ALG9: variants seen among roughly 807,000 people sequenced by gnomAD.
ALG9 encodes the protein alpha-1,2-mannosyltransferase ALG9.
Under a neutral mutation model 81.8 loss-of-function variants are expected in ALG9, and 55 were observed. The observed-to-expected ratio is 0.67, with a 90% CI of 0.54 to 0.84. The LOEUF is 0.84. Ranked by LOEUF, ALG9 falls within the 40% of genes least tolerant of loss-of-function variation. ALG9 has a pLI of 0.00. For synonymous variants in ALG9, 278 were observed against 274.3 expected (o/e 1.01, Z -0.13); for missense variants, 629 against 745.0 (o/e 0.84, Z 1.81).
At chr11:111,797,290 A>C (rs912800458) in intron 14 of ALG9, among the ~76,000 whole-genome samples, 1 of 152,202 alleles carries the variant, frequency 6.6e-6, no homozygotes, top group Admixed American at 6.5e-5. Context: ...TGAGATGCTT[A>C]CTCTTGGAAG....
intron 1 of ALG9, among the ~76,000 whole-genome samples, chr11:111,870,620 C>G (rs1486375831): frequency 1.3e-5 from 2 of 152,042 alleles, no homozygotes; most frequent in Non-Finnish European, 2.9e-5. Context: ...AACTCCTAGG[C>G]TCAAGTAATC....
chr11:111,868,837 C>A, intron 2 of ALG9, 101 bp from the exon 3 acceptor site: 1 of 1,299,434 alleles, frequency 7.7e-7, no homozygotes, highest in Non-Finnish European at 1.0e-6. Flanking sequence ...AAAACAAAGG[C>A]AAGCCAGGCA....
downstream of ALG9, among the ~76,000 whole-genome samples, chr11:111,780,412 T>TG (rs1945868276): frequency 6.6e-6 from 1 of 150,488 alleles, no homozygotes. Context: ...TTTTGTTTTT[T>TG]TTGAGACAGA....
rs919325782 is a variant in ALG9 at position 111,785,845 on chromosome 11, A to G, written c.*552T>C. On this transcript the variant is annotated 3_prime_UTR_variant, in exon 15 of 15. Transcript: ENST00000616540. ...CTAGTCCTGTGAAGTGCTTTAAAGA[A>G]GCTTAGTCTTGCTGGAGGTGAAAAG... 2.0e-5 allele frequency: 7 copies of G among 358,822 alleles called. No homozygotes were observed. The highest frequency in any genetic ancestry group is 3.8e-5 in the Non-Finnish European group (7 of 183,202). 22.2% of individuals were successfully genotyped at this position (358,822 alleles called of 1,614,324 possible). A position where few individuals can be genotyped will look rare whatever the true frequency, so the allele number is the denominator to read the frequency against.
rs1555140791 is a variant in ALG9 at position 111,853,485 on chromosome 11, C to T, written c.790G>A (p.Val264Met). 6.2e-7 allele frequency: 1 copy of T among 1,612,302 alleles called. No individual in the cohort carries two copies. The change falls in exon 8 of 15, where the codon GTG becomes ATG. Residue 264 changes from valine (V) to methionine (M), a missense_variant and splice_region_variant. Physicochemically the swap from Val to Met is conservative, Grantham distance 21 (BLOSUM62 1). Coordinates refer to ENST00000616540, the MANE Select transcript of ALG9 (RefSeq NM_024740.2). Reference sequence around the variant, plus strand: ...TAGCTGTCAATGACCACCACAGGCACCTAAAACAGAGCAGAAAATAGTTTT... The same window carrying T: ...TAGCTGTCAATGACCACCACAGGCATCTAAAACAGAGCAGAAAATAGTTTT... The part of the protein sequence containing the change: ...WSLMALILFL[V>M]PVVVIDSYYY...
chr11:111,781,568 AC>A (rs1945939504), downstream of ALG9, among the ~76,000 whole-genome samples: 1 of 152,212 alleles, frequency 6.6e-6, no homozygotes, highest in Admixed American at 6.5e-5. Context: ...CATTCCAAAA[AC>A]TTAAGATGGA....
chr11:111,865,730 C>G (rs1402369104), intron 3 of ALG9, among the ~76,000 whole-genome samples: 1 of 152,082 alleles, frequency 6.6e-6, no homozygotes, highest in Non-Finnish European at 1.5e-5. Context: ...ATTTATACAT[C>G]AGTTACAGCT....
intron 5 of ALG9, among the ~76,000 whole-genome samples, chr11:111,860,146 CAAAAT>C (rs1219916007): frequency 2.0e-5 from 3 of 152,100 alleles, no homozygotes; most frequent in African/African-American, 7.2e-5. Flanking sequence ...CTTCTTTAAA[CAAAAT>C]AAAAGAATTA....
intron 8 of ALG9, among the ~76,000 whole-genome samples, chr11:111,847,808 A>G (rs1372289765): frequency 6.6e-6 from 1 of 152,188 alleles, no homozygotes; most frequent in Non-Finnish European, 1.5e-5. Context: ...TAAAAGGAGA[A>G]CTTGCCAGTG....
chr11:111,782,489 G>A lies in ALG9; in HGVS notation c.*3908C>T, dbSNP rs906454418. The A allele has an allele frequency of 2.0e-5, 3 of 152,650 alleles. No individual in the cohort carries two copies. Among genetic ancestry groups the A allele is most frequent in the Admixed American group, 6.5e-5 (1 of 15,278 alleles). 9.5% of individuals were successfully genotyped at this position (152,650 alleles called of 1,614,324 possible). On this transcript the variant is annotated 3_prime_UTR_variant, in exon 15 of 15. Coordinates refer to ENST00000616540, the MANE Select transcript of ALG9 (RefSeq NM_024740.2). The stretch of plus-strand genomic sequence containing the variant: ...CAAAAAAAATTAAAGCTGGGCACAT[G>A]TCCATTTATCCATTTACCCAAGGCA...
At chr11:111,773,428 A>G in the ALG9 span, among the ~76,000 whole-genome samples, 1 of 151,832 alleles carries the variant, frequency 6.6e-6, no homozygotes, top group South Asian at 2.1e-4. Flanking sequence ...TATTTTTAGT[A>G]GAGACGGGGT....
chr11:111,870,253 T>G lies in ALG9; in HGVS notation c.249A>C (p.Glu83Asp). 1 of 1,610,038 alleles carries G rather than the reference T, an allele frequency of 6.2e-7. No individual in the cohort carries two copies. The highest frequency in any genetic ancestry group is 1.3e-5 in the African/African-American group (1 of 74,728). Reference sequence around the variant, plus strand: ...CTACTGGCTCCCAGTAGTTGAATGTTTCATCACAGTCAGAGATGTTGCTCA... The same window carrying G: ...CTACTGGCTCCCAGTAGTTGAATGTGTCATCACAGTCAGAGATGTTGCTCA... ...ALLSNISDCDETFNYWEPTHY... is the reference protein window; with the variant it reads ...ALLSNISDCDDTFNYWEPTHY... Residue 83 changes from glutamate (E) to aspartate (D), a missense_variant, in exon 2 of 15, where the codon GAA becomes GAC. Transcript: ENST00000616540.
intron 10 of ALG9, among the ~76,000 whole-genome samples, chr11:111,840,247 A>C (rs1444325909): frequency 2.6e-5 from 4 of 152,234 alleles, no homozygotes; most frequent in African/African-American, 9.6e-5. Context: ...GCTCTGCCAG[A>C]GAATTGACCT....
At chr11:111,831,048 A>T (rs1033827677) in intron 13 of ALG9, among the ~76,000 whole-genome samples, 4 of 149,120 alleles carry the variant, frequency 2.7e-5, no homozygotes, top group Admixed American at 6.7e-5. Flanking sequence ...GCTAATTTAA[A>T]TTTTTTTTTT....
chr11:111,799,303 C>G (rs1485142893), intron 14 of ALG9, among the ~76,000 whole-genome samples: 1 of 152,156 alleles, frequency 6.6e-6, no homozygotes, highest in Non-Finnish European at 1.5e-5. Flanking sequence ...TGCACCACCA[C>G]GCCCAGCTAA....
Position 111,838,402 on chromosome 11 carries a change from G to A in ALG9, c.1174-3C>T. 1 of 1,607,054 alleles carries A rather than the reference G, an allele frequency of 6.2e-7. No individual in the cohort carries two copies. Among genetic ancestry groups the A allele is most frequent in the African/African-American group, 1.3e-5 (1 of 74,832 alleles). ...TTCTGGAAGTACAGAAAACTGTGCTGATAAAAGAAAATATAATTTGTAGAA... is the reference window on the plus strand; with the variant it reads ...TTCTGGAAGTACAGAAAACTGTGCTAATAAAAGAAAATATAATTTGTAGAA... On this transcript the variant is annotated splice_polypyrimidine_tract_variant and splice_region_variant and intron_variant, in intron 10 of 14. Coordinates refer to ENST00000616540, the MANE Select transcript of ALG9 (RefSeq NM_024740.2).
intron 13 of ALG9, among the ~76,000 whole-genome samples, chr11:111,834,967 T>A (rs1453902473): frequency 6.6e-6 from 1 of 152,222 alleles, no homozygotes; most frequent in Non-Finnish European, 1.5e-5. Flanking sequence ...TCTTTAAGTG[T>A]CCATTTTCAT....
chr11:111,834,769 T>C (rs1954952431), intron 13 of ALG9, among the ~76,000 whole-genome samples: 1 of 152,208 alleles, frequency 6.6e-6, no homozygotes, highest in East Asian at 1.9e-4. Flanking sequence ...CCAGCTTCTC[T>C]AGAATGATGC....
chr11:111,831,319 G>A (rs562046796), intron 13 of ALG9, among the ~76,000 whole-genome samples: 57 of 152,224 alleles, frequency 3.7e-4, no homozygotes, highest in Non-Finnish European at 6.8e-4. Flanking sequence ...GAGATTGCAG[G>A]TGTGAGCCAC....
Sources: allele counts gnomAD v4.1 joint callset (sites outside exome capture counted in the v4.1 genomes callset), GRCh38; gene constraint gnomAD v4.1.1; transcripts MANE v1.5; gene names NCBI Gene and HGNC (gene_info 2026-07-23, HGNC 2026-07-21).